The following FHIT variants were observed in gnomAD, a reference collection of about 807,000 sequenced individuals.
FHIT encodes the protein fragile histidine triad diadenosine triphosphatase.
A neutral mutation model predicts 17.9 loss-of-function variants in FHIT; 19 were observed. The observed-to-expected ratio is 1.06, with a 90% confidence interval of 0.74 to 1.56. The LOEUF (loss-of-function observed/expected upper bound fraction) is 1.56, where lower values mean the gene tolerates loss of function less well. Ranked by LOEUF, FHIT falls within the 40% of genes most tolerant of loss-of-function variation. The pLI is 0.00. For synonymous variants in FHIT, 81 were observed against 69.7 expected (o/e 1.16, Z -0.81); for missense variants, 248 against 189.2 (o/e 1.31, Z -1.82).
At chr3:59,946,807 A>G (rs76238905) in intron 7 of FHIT, among the ~76,000 whole-genome samples, 1 of 152,192 alleles carries the variant, frequency 6.6e-6, no homozygotes, top group East Asian at 1.9e-4. Flanking sequence ...TTTGTGATGA[A>G]TCACATTTAT....
intron 5 of FHIT, among the ~76,000 whole-genome samples, chr3:60,244,691 A>G (rs1247833324): frequency 6.6e-6 from 1 of 152,084 alleles, no homozygotes; most frequent in Admixed American, 6.6e-5. Flanking sequence ...GCTCAACAGT[A>G]TTTACCACAC....
chr3:60,855,698 T>G (rs142248457), intron 3 of FHIT, among the ~76,000 whole-genome samples: 6 of 152,196 alleles, frequency 3.9e-5, no homozygotes, highest in African/African-American at 1.4e-4. Context: ...GGGCCAAGAG[T>G]ATATTCAAGA....
intron 7 of FHIT, among the ~76,000 whole-genome samples, chr3:59,955,229 T>A (rs1480239097): frequency 6.6e-6 from 1 of 152,196 alleles, no homozygotes; most frequent in East Asian, 1.9e-4. Flanking sequence ...TTTGTCCCCA[T>A]CTCACTAGAC....
intron 5 of FHIT, among the ~76,000 whole-genome samples, chr3:60,118,785 G>GC (rs1327856222): frequency 3.1e-4 from 41 of 132,938 alleles, no homozygotes; most frequent in African/African-American, 1.1e-3. Flanking sequence ...GGGGGGGGGG[G>GC]GGTGGTGAAT....
chr3:61,162,857 A>G (rs2037736896), intron 2 of FHIT, among the ~76,000 whole-genome samples: 1 of 152,174 alleles, frequency 6.6e-6, no homozygotes, highest in African/African-American at 2.4e-5. Context: ...TCTTTTCAGT[A>G]TTCCTGATAT....
chr3:59,829,041 G>T (rs1316496861), intron 8 of FHIT, among the ~76,000 whole-genome samples: 1 of 152,170 alleles, frequency 6.6e-6, no homozygotes, highest in Non-Finnish European at 1.5e-5. Context: ...AAGATAAAAT[G>T]TGGATGCAGA....
rs549843470 is a variant in FHIT, at chr3:59,834,812, C to T, written c.349-82491G>A. Among the ~76,000 whole-genome samples the T allele has an allele frequency of 1.2e-4, 18 of 152,250 alleles. No individual in the cohort carries two copies. The South Asian group carries it at 2.5e-3, about 21-fold the overall frequency. On this transcript the variant is annotated intron_variant, in intron 8 of 9. Transcript: ENST00000492590. Reference sequence around the variant, plus strand: ...AGTCTATAACAGATAGACAGATATACACACATAAAAATATATCAATGCATA... The same window carrying T: ...AGTCTATAACAGATAGACAGATATATACACATAAAAATATATCAATGCATA...
At chr3:61,216,748 T>C (rs1429530162) in intron 1 of FHIT, among the ~76,000 whole-genome samples, 1 of 152,174 alleles carries the variant, frequency 6.6e-6, no homozygotes, top group Non-Finnish European at 1.5e-5. Context: ...CCGACCCAAA[T>C]GTCCAACAAT....
chr3:61,126,327 T>C (rs2036606668), intron 2 of FHIT, among the ~76,000 whole-genome samples: 1 of 152,172 alleles, frequency 6.6e-6, no homozygotes, highest in Non-Finnish European at 1.5e-5. Flanking sequence ...ATTAGTCCAT[T>C]TTCATACTGC....
At chr3:61,235,229 T>C (rs2040199082) in intron 1 of FHIT, among the ~76,000 whole-genome samples, 1 of 152,182 alleles carries the variant, frequency 6.6e-6, no homozygotes, top group African/African-American at 2.4e-5. Flanking sequence ...CCTAGCCGGA[T>C]GGCCTGGGTC....
chr3:60,903,314 A>T (rs1706219469), intron 3 of FHIT, among the ~76,000 whole-genome samples: 1 of 152,250 alleles, frequency 6.6e-6, no homozygotes. Flanking sequence ...TGTGTTAGGC[A>T]TTGTGTCAGG....
At chr3:60,865,504 T>C (rs1704115301) in intron 3 of FHIT, among the ~76,000 whole-genome samples, 1 of 152,196 alleles carries the variant, frequency 6.6e-6, no homozygotes, top group Admixed American at 6.5e-5. Flanking sequence ...TTTAAGATTA[T>C]GTAATTAAAT....
chr3:59,862,790 G>A (rs563219018), intron 8 of FHIT, among the ~76,000 whole-genome samples: 73 of 152,264 alleles, frequency 4.8e-4, no homozygotes, highest in African/African-American at 1.4e-3. Flanking sequence ...GAGGGACTCC[G>A]TTTCACTGGG....
At chr3:60,088,293 G>A (rs928016247) in intron 5 of FHIT, among the ~76,000 whole-genome samples, 1 of 152,120 alleles carries the variant, frequency 6.6e-6, no homozygotes, top group African/African-American at 2.4e-5. Context: ...ATTTCAACAT[G>A]TGCCTTGACA....
At chr3:60,967,875 T>C (rs573682015) in intron 3 of FHIT, among the ~76,000 whole-genome samples, 3 of 152,318 alleles carry the variant, frequency 2.0e-5, no homozygotes, top group African/African-American at 7.2e-5. Flanking sequence ...GGCTCAGCCA[T>C]ATTCAAATAC....
At chr3:60,459,162 A>C (rs2032304451) in intron 5 of FHIT, among the ~76,000 whole-genome samples, 1 of 152,124 alleles carries the variant, frequency 6.6e-6, no homozygotes, top group Non-Finnish European at 1.5e-5. Flanking sequence ...CATCAAAATC[A>C]CTTGGAGCTT....
At chr3:60,750,657 A>G (rs1176010778) in intron 4 of FHIT, among the ~76,000 whole-genome samples, 3 of 152,166 alleles carry the variant, frequency 2.0e-5, no homozygotes, top group African/African-American at 7.2e-5. Context: ...AGTAAGTCCA[A>G]TAAACCTCTT....
chr3:60,479,008 T>C lies in FHIT; in HGVS notation c.103+57852A>G, dbSNP rs182671268. 1.9e-4 allele frequency among the ~76,000 whole-genome samples: 29 copies of C among 152,288 alleles called. No homozygotes were observed. In the East Asian group the frequency reaches 5.2e-3, roughly 27 times the overall value. On this transcript the variant is annotated intron_variant, in intron 5 of 9. Transcript: ENST00000492590. ...GTTTTCCATGGAACTTTTCTAAGGT[T>C]GCCCAGGACAGCAACACTGTAGAAC...
chr3:59,878,757 G>C (rs1370090820), intron 8 of FHIT, among the ~76,000 whole-genome samples: 2 of 152,198 alleles, frequency 1.3e-5, no homozygotes, highest in East Asian at 3.8e-4. Context: ...AGCGTTTAGA[G>C]AAGAACATTC....
Sources: gnomAD v4.1 joint callset for allele counts (sites outside exome capture counted in the v4.1 genomes callset) on GRCh38, gnomAD v4.1.1 for gene constraint, MANE v1.5 for transcripts, NCBI Gene and HGNC (gene_info 2026-07-23, HGNC 2026-07-21) for gene names.